The following GNB1 variants were observed in gnomAD, a reference collection of about 807,000 sequenced individuals.
GNB1 encodes guanine nucleotide-binding protein G(I)/G(S)/G(T) subunit beta-1.
Under a neutral mutation model 42.9 loss-of-function variants are expected in GNB1, and 2 were observed. The ratio of observed to expected loss-of-function variants is 0.05; its 90% CI spans 0.02 to 0.15. The LOEUF is 0.15. Ranked by LOEUF, GNB1 falls within the 10% of genes least tolerant of loss-of-function variation. GNB1 has a pLI of 1.00. For missense variants in GNB1, 193 were observed against 462.2 expected (o/e 0.42, Z 5.34); for synonymous variants, 183 against 174.7 (o/e 1.05, Z -0.38).
At chr1:1,789,414 C>G (rs977162027) in intron 9 of GNB1, 145 bp from the exon 10 acceptor site, 2 of 613,704 alleles carry the variant, frequency 3.3e-6, no homozygotes, top group Admixed American at 2.6e-5. Flanking sequence ...AGGGCTGGGC[C>G]GGGTGCGGTG....
intron 2 of GNB1, among the ~76,000 whole-genome samples, chr1:1,836,104 C>G (rs564409703): frequency 6.6e-6 from 1 of 151,656 alleles, no homozygotes; most frequent in Non-Finnish European, 1.5e-5. Flanking sequence ...AAACAAAAAA[C>G]AAACTCAAAA....
rs558810810 is a variant in GNB1, at chr1:1,788,745, C to G, written c.916+308G>C. On this transcript the variant is annotated intron_variant, in intron 10 of 11. Coordinates refer to ENST00000378609, the MANE Select transcript of GNB1 (RefSeq NM_002074.5). ...GGTGTCCCTGCATGGAACTCCTCCCCCTGAAGCAGAGTTCAGAGGGGAAAG... is the reference window on the plus strand; with the variant it reads ...GGTGTCCCTGCATGGAACTCCTCCCGCTGAAGCAGAGTTCAGAGGGGAAAG... 9.1e-5 allele frequency: 28 copies of G among 306,154 alleles called. 1 individual carries two copies. Among genetic ancestry groups the G allele is most frequent in the African/African-American group, 4.9e-4 (24 of 48,764 alleles). The allele number at this position is 306,154 out of a possible 1,614,324, so 19.0% of individuals were successfully genotyped here. A position where few individuals can be genotyped will look rare whatever the true frequency, so the allele number is the denominator to read the frequency against.
At chr1:1,791,659 C>T (rs1380811576) in intron 8 of GNB1, among the ~76,000 whole-genome samples, 1 of 152,202 alleles carries the variant, frequency 6.6e-6, no homozygotes, top group African/African-American at 2.4e-5. Context: ...ACTGTCCGTT[C>T]ATGTCAGCCT....
chr1:1,881,230 C>T (rs890725300), intron 1 of GNB1, among the ~76,000 whole-genome samples: 10 of 152,106 alleles, frequency 6.6e-5, no homozygotes, highest in Non-Finnish European at 1.3e-4. Flanking sequence ...GCCTTCCCTT[C>T]GGTCACCAGG....
intron 1 of GNB1, among the ~76,000 whole-genome samples, chr1:1,880,412 C>T (rs1649776987): frequency 6.6e-6 from 1 of 151,786 alleles, no homozygotes; most frequent in Non-Finnish European, 1.5e-5. Flanking sequence ...CACGGTGAAA[C>T]CCCGCCTCTA....
At chr1:1,818,313 A>C (rs1338489386) in intron 3 of GNB1, 1 of 107,848 alleles carries the variant, frequency 9.3e-6, no homozygotes, top group Admixed American at 8.8e-5. Context: ...ATTAAAAAAA[A>C]AAAAAAAAAA....
At chr1:1,837,717 C>T (rs895016945) in intron 2 of GNB1, among the ~76,000 whole-genome samples, 4 of 151,224 alleles carry the variant, frequency 2.6e-5, no homozygotes, top group African/African-American at 4.9e-5. Flanking sequence ...TGCCACCACA[C>T]GTGGCTAAAT....
chr1:1,834,344 A>G (rs956965731), intron 2 of GNB1, among the ~76,000 whole-genome samples: 7 of 152,154 alleles, frequency 4.6e-5, no homozygotes, highest in Non-Finnish European at 1.0e-4. Flanking sequence ...TTTCTCATGC[A>G]TCACAAAAAA....
chr1:1,887,379 C>T (rs1650215068), intron 1 of GNB1, among the ~76,000 whole-genome samples: 1 of 152,180 alleles, frequency 6.6e-6, no homozygotes, highest in African/African-American at 2.4e-5. Context: ...TTTATCAAAG[C>T]TGTTTTTAGC....
At chr1:1,833,510 C>T (rs148045880) in intron 2 of GNB1, among the ~76,000 whole-genome samples, 2 of 152,256 alleles carry the variant, frequency 1.3e-5, no homozygotes, top group Admixed American at 6.5e-5. Flanking sequence ...TGCAGAGCAA[C>T]GCATGCGCAG....
rs1419297106 is a variant in GNB1, at chr1:1,804,681, CA to C, written c.268-101del. The C allele has an allele frequency of 5.5e-6, 5 of 914,372 alleles. No individual in the cohort carries two copies. In the Admixed American group the frequency reaches 9.0e-5, roughly 16 times the overall value. 56.6% of individuals were successfully genotyped at this position (914,372 alleles called of 1,614,324 possible). ...CCAACTTTCACTGCAAAGGAGGTAA[CA>C]GAACAAAATAAGAGCCAAAATTATC... On this transcript the variant is annotated intron_variant, in intron 6 of 11. Coordinates refer to ENST00000378609, the MANE Select transcript of GNB1 (RefSeq NM_002074.5).
At chr1:1,880,243 T>C (rs1179388099) in intron 1 of GNB1, among the ~76,000 whole-genome samples, 1 of 152,184 alleles carries the variant, frequency 6.6e-6, no homozygotes, top group Non-Finnish European at 1.5e-5. Flanking sequence ...AAGAACAGTA[T>C]TTCTATAGAA....
chr1:1,795,685 A>T (rs554302458), intron 7 of GNB1, among the ~76,000 whole-genome samples: 1 of 152,240 alleles, frequency 6.6e-6, no homozygotes, highest in South Asian at 2.1e-4. Flanking sequence ...CCCAGGAGGC[A>T]GAGGTTGCAG....
In GNB1 at chr1:1,835,893, G is replaced by A. The variant is rs76223763; in HGVS notation, c.-47+3297C>T. On this transcript the variant is annotated intron_variant, in intron 2 of 11. Transcript: ENST00000378609. ...TGAAGACCAGCCTGGGCAACATACT[G>A]AGACCCCGTCTTACAAGAATTAAAA... 8.0e-3 allele frequency among the ~76,000 whole-genome samples: 1,021 copies of A among 128,240 alleles called. 17 individuals carry two copies. The highest frequency in any genetic ancestry group is 0.029 in the African/African-American group (986 of 33,912). The allele number at this position is 128,240 out of a possible 152,430, so 84.1% of individuals were successfully genotyped here. A position where few individuals can be genotyped will look rare whatever the true frequency, so the allele number is the denominator to read the frequency against.
At chr1:1,819,251 G>A (rs996082219) in intron 3 of GNB1, among the ~76,000 whole-genome samples, 2 of 150,452 alleles carry the variant, frequency 1.3e-5, no homozygotes, top group Non-Finnish European at 2.9e-5. Flanking sequence ...ACAGAGTCTC[G>A]CTCTGTCTTG....
At chr1:1,863,861 G>A (rs1648765854) in intron 1 of GNB1, among the ~76,000 whole-genome samples, 1 of 152,164 alleles carries the variant, frequency 6.6e-6, no homozygotes, top group Admixed American at 6.5e-5. Context: ...GAATAGGACA[G>A]AACAATGTTT....
intron 1 of GNB1, among the ~76,000 whole-genome samples, chr1:1,888,581 T>TA (rs1650287914): frequency 2.0e-5 from 3 of 152,138 alleles, no homozygotes; most frequent in Admixed American, 6.5e-5. Context: ...CTCACGCTCG[T>TA]AATCCCAGCA....
intron 1 of GNB1, among the ~76,000 whole-genome samples, chr1:1,842,834 G>T (rs1647369886): frequency 6.6e-6 from 1 of 152,242 alleles, no homozygotes; most frequent in South Asian, 2.1e-4. Flanking sequence ...GCACACAGGA[G>T]TAAACAGTGA....
chr1:1,813,756 G>A (rs1272665480), intron 5 of GNB1, among the ~76,000 whole-genome samples: 1 of 152,218 alleles, frequency 6.6e-6, no homozygotes, highest in Non-Finnish European at 1.5e-5. Context: ...CTCCCAAAGT[G>A]CTGGGATGAG....
Sources: allele counts gnomAD v4.1 joint callset (sites outside exome capture counted in the v4.1 genomes callset), GRCh38; gene constraint gnomAD v4.1.1; transcripts MANE v1.5; gene names NCBI Gene and HGNC (gene_info 2026-07-23, HGNC 2026-07-21).